CDH18: variants seen among roughly 807,000 people sequenced by gnomAD.
CDH18 encodes cadherin-18.
Under a neutral mutation model 67.9 loss-of-function variants are expected in CDH18, and 31 were observed. The ratio of observed to expected loss-of-function variants is 0.46; its 90% CI spans 0.34 to 0.62. The LOEUF is 0.62. CDH18 is among the 20% of genes least tolerant of loss of function. The pLI is 0.01. For missense variants in CDH18, 890 were observed against 975.5 expected, an observed-to-expected ratio of 0.91 and a Z score of 1.17; for synonymous variants, 362 against 347.2, an observed-to-expected ratio of 1.04 and a Z score of -0.48.
At chr5:20,482,696 T>C (rs1752900363) in intron 1 of CDH18, among the ~76,000 whole-genome samples, 1 of 152,064 alleles carries the variant, frequency 6.6e-6, no homozygotes, top group South Asian at 2.1e-4. Flanking sequence ...AAATTGATGC[T>C]GAAAAAGCAT....
chr5:19,729,728 C>T (rs563327284), intron 4 of CDH18, among the ~76,000 whole-genome samples: 1 of 152,194 alleles, frequency 6.6e-6, no homozygotes, highest in Non-Finnish European at 1.5e-5. Context: ...TCATAATTCT[C>T]TTCATAGTTG....
chr5:19,910,499 T>C (rs1003712258), intron 2 of CDH18, among the ~76,000 whole-genome samples: 2 of 152,326 alleles, frequency 1.3e-5, no homozygotes, highest in Non-Finnish European at 2.9e-5. Flanking sequence ...AGTTCACTTA[T>C]AATGGATTCA....
At chr5:19,966,143 C>G (rs1430832122) in intron 2 of CDH18, among the ~76,000 whole-genome samples, 1 of 152,060 alleles carries the variant, frequency 6.6e-6, no homozygotes, top group African/African-American at 2.4e-5. Flanking sequence ...AGAAAGGCAA[C>G]AGAAAGATCA....
intron 1 of CDH18, among the ~76,000 whole-genome samples, chr5:20,480,729 C>T (rs1334682428): frequency 6.6e-6 from 1 of 152,084 alleles, no homozygotes; most frequent in Non-Finnish European, 1.5e-5. Context: ...TTAGTTTTTG[C>T]TCGCTTGTAA....
chr5:19,812,162 A>G (rs541258028), intron 3 of CDH18, among the ~76,000 whole-genome samples: 111 of 152,310 alleles, frequency 7.3e-4, no homozygotes, highest in Non-Finnish European at 1.1e-3. Context: ...AAAGGTATCA[A>G]CTTTAAACTT....
Position 19,821,530 on chromosome 5 carries a change from C to T in CDH18, c.228+17229G>A, listed in dbSNP as rs375392425. ...GAGAGACAGTAAGCAACTTGGAAAA[C>T]ATATTTGAGGATATAGTCAACAGAA... On this transcript the variant is annotated intron_variant, in intron 3 of 12. Coordinates refer to ENST00000382275, the MANE Select transcript of CDH18 (RefSeq NM_004934.5). Among the ~76,000 whole-genome samples, 8 of 151,820 alleles carry T rather than the reference C, an allele frequency of 5.3e-5. No individual in the cohort carries two copies. The East Asian group carries it at 7.8e-4, about 15-fold the overall frequency.
chr5:19,789,576 T>C (rs1001432962), intron 3 of CDH18, among the ~76,000 whole-genome samples: 1 of 152,144 alleles, frequency 6.6e-6, no homozygotes, highest in African/African-American at 2.4e-5. Context: ...GCTTGCAATA[T>C]CCCTTTGATG....
chr5:20,120,527 T>G (rs907054293), intron 2 of CDH18, among the ~76,000 whole-genome samples: 1 of 152,274 alleles, frequency 6.6e-6, no homozygotes, highest in African/African-American at 2.4e-5. Flanking sequence ...AACATTATAT[T>G]GGCTGCCTTA....
At chr5:19,506,443 G>A (rs1473488394) in intron 10 of CDH18, among the ~76,000 whole-genome samples, 1 of 152,042 alleles carries the variant, frequency 6.6e-6, no homozygotes, top group African/African-American at 2.4e-5. Flanking sequence ...AAGAGTCCAC[G>A]TTTCCAAGTC....
intron 2 of CDH18, among the ~76,000 whole-genome samples, chr5:19,958,225 A>C (rs1042010670): frequency 6.6e-6 from 1 of 151,798 alleles, no homozygotes; most frequent in Non-Finnish European, 1.5e-5. Context: ...TGCCTGGAGT[A>C]GAATAAACAC....
At chr5:20,080,430 T>C (rs979253201) in intron 2 of CDH18, among the ~76,000 whole-genome samples, 1 of 152,168 alleles carries the variant, frequency 6.6e-6, no homozygotes, top group African/African-American at 2.4e-5. Context: ...ACAAGTATAG[T>C]CAACTGAGTC....
At position 19,901,258 on chromosome 5, in the gene CDH18, C is replaced by A. The variant is rs184367083; in HGVS notation, c.-256-62016G>T. ...TCTTATGTAATTATGTTTTAAATGC[C>A]ATTGATAATTTTAGTGAAGAATAAA... On this transcript the variant is annotated intron_variant, in intron 2 of 12. Transcript: ENST00000382275. Among the ~76,000 whole-genome samples the A allele has an allele frequency of 8.8e-3, 1,337 of 151,722 alleles. 20 individuals carry two copies. The highest frequency in any genetic ancestry group is 0.027 in the Middle Eastern group (8 of 294).
chr5:19,714,756 A>G (rs1765140935), intron 5 of CDH18, among the ~76,000 whole-genome samples: 1 of 152,010 alleles, frequency 6.6e-6, no homozygotes, highest in Non-Finnish European at 1.5e-5. Flanking sequence ...CCATTACTTC[A>G]TTTCCTTATA....
chr5:19,772,769 T>A (rs571549432), intron 3 of CDH18, among the ~76,000 whole-genome samples: 3 of 152,320 alleles, frequency 2.0e-5, no homozygotes, highest in Non-Finnish European at 2.9e-5. Flanking sequence ...AGAATGTAGA[T>A]TTGAACCACA....
chr5:20,151,313 A>T (rs1751079754), intron 2 of CDH18, among the ~76,000 whole-genome samples: 1 of 152,152 alleles, frequency 6.6e-6, no homozygotes, highest in Non-Finnish European at 1.5e-5. Flanking sequence ...TGCAAAGAAC[A>T]TAATTGTATT....
At chr5:20,016,627 T>G (rs775998984) in intron 2 of CDH18, among the ~76,000 whole-genome samples, 13 of 152,178 alleles carry the variant, frequency 8.5e-5, no homozygotes, top group Non-Finnish European at 1.6e-4. Flanking sequence ...GAGTGCTGGT[T>G]GAGGCAGAAG....
intron 1 of CDH18, among the ~76,000 whole-genome samples, chr5:20,470,461 G>C (rs567262597): frequency 6.6e-6 from 1 of 151,986 alleles, no homozygotes; most frequent in African/African-American, 2.4e-5. Context: ...ATACTCTCCC[G>C]GATGTCTATT....
chr5:19,489,713 C>T (rs1741077211), intron 11 of CDH18, among the ~76,000 whole-genome samples: 1 of 152,146 alleles, frequency 6.6e-6, no homozygotes, highest in Non-Finnish European at 1.5e-5. Context: ...ATTGTTCAAT[C>T]TTTCTTTGCC....
chr5:20,456,563 T>G (rs1750847772), intron 1 of CDH18, among the ~76,000 whole-genome samples: 1 of 152,128 alleles, frequency 6.6e-6, no homozygotes, highest in South Asian at 2.1e-4. Context: ...GAAATAAAAT[T>G]AGTACAAAAT....
Sources: gnomAD v4.1 joint callset for allele counts (sites outside exome capture counted in the v4.1 genomes callset) on GRCh38, gnomAD v4.1.1 for gene constraint, MANE v1.5 for transcripts, NCBI Gene and HGNC (gene_info 2026-07-23, HGNC 2026-07-21) for gene names.